The following UPK1B variants were observed in gnomAD, a reference collection of about 807,000 sequenced individuals.
The protein encoded by UPK1B is uroplakin 1B, also known as uroplakin-1b.
UPK1B carries 28 observed loss-of-function variants against 34.2 expected under a neutral mutation model. The ratio of observed to expected loss-of-function variants is 0.82; its 90% CI spans 0.61 to 1.12. UPK1B has a LOEUF of 1.12. UPK1B is among the 50% of genes most tolerant of loss of function. The pLI is 0.00. For missense variants in UPK1B, 325 were observed against 320.9 expected, an observed-to-expected ratio of 1.01 and a Z score of -0.10; for synonymous variants, 81 against 110.4, an observed-to-expected ratio of 0.73 and a Z score of 1.67.
At position 119,197,581 on chromosome 3, in the gene UPK1B, A is replaced by T. The variant is rs565384410; in HGVS notation, c.649-1476A>T. Among the ~76,000 whole-genome samples the T allele has an allele frequency of 2.2e-4, 33 of 152,338 alleles. 1 individual carries two copies. The South Asian group carries it at 6.2e-3, about 29-fold the overall frequency. ...AGTGTGTTGCAAATTATACTATTGT[A>T]AACATTAATGTTCCATTCATTCTGT... is the stretch of plus-strand genomic sequence containing the variant. On this transcript the variant is annotated intron_variant, in intron 6 of 7. Transcript: ENST00000264234.
Position 119,194,465 on chromosome 3 carries a change from C to A in UPK1B, c.648+67C>A. 2.8e-6 allele frequency: 4 copies of A among 1,417,458 alleles called. No homozygotes were observed. The South Asian group carries it at 4.1e-5, about 15-fold the overall frequency. 87.8% of individuals were successfully genotyped at this position (1,417,458 alleles called of 1,614,324 possible). A position where few individuals can be genotyped will look rare whatever the true frequency, so the allele number is the denominator to read the frequency against. ...TGCTCTTTATGAGAAAAATATTGGTCAACTGTAGGAAATAGTCTTTCAGTA... is the reference window on the plus strand; with the variant it reads ...TGCTCTTTATGAGAAAAATATTGGTAAACTGTAGGAAATAGTCTTTCAGTA... On this transcript the variant is annotated intron_variant, in intron 6 of 7. Coordinates refer to ENST00000264234, the MANE Select transcript of UPK1B (RefSeq NM_006952.4).
At chr3:119,175,540 C>T (rs1261641109) in intron 1 of UPK1B, among the ~76,000 whole-genome samples, 19 of 146,446 alleles carry the variant, frequency 1.3e-4, no homozygotes, top group Middle Eastern at 6.9e-3. Flanking sequence ...CACCCCCTCC[C>T]CCCCGCCCCA....
chr3:119,197,632 T>C (rs908714410), intron 6 of UPK1B, among the ~76,000 whole-genome samples: 1 of 152,242 alleles, frequency 6.6e-6, no homozygotes. Flanking sequence ...GTCTACTATG[T>C]GCCAAGCACT....
At chr3:119,195,715 T>C (rs1009912337) in intron 6 of UPK1B, among the ~76,000 whole-genome samples, 1 of 152,236 alleles carries the variant, frequency 6.6e-6, no homozygotes, top group African/African-American at 2.4e-5. Context: ...TGTAATTGTG[T>C]ACAAACTGTA....
chr3:119,200,338 C>T (rs1020905217), intron 7 of UPK1B, among the ~76,000 whole-genome samples: 46 of 152,318 alleles, frequency 3.0e-4, no homozygotes, highest in Admixed American at 8.5e-4. Flanking sequence ...TGGCCATGAG[C>T]ACTGCACCCA....
chr3:119,190,407 A>G (rs2078038800), intron 4 of UPK1B, 88 bp downstream of exon 4: 3 of 921,888 alleles, frequency 3.3e-6, no homozygotes, highest in Non-Finnish European at 3.5e-6. Context: ...GTGCCCAGGC[A>G]ATCCAATATG....
chr3:119,201,701 C>A (rs577153756), intron 7 of UPK1B, among the ~76,000 whole-genome samples: 1 of 152,254 alleles, frequency 6.6e-6, no homozygotes, highest in Admixed American at 6.5e-5. Flanking sequence ...AGAGGGAAAT[C>A]AACTCCTTCA....
intron 1 of UPK1B, among the ~76,000 whole-genome samples, chr3:119,182,966 C>T (rs2077995802): frequency 6.6e-6 from 1 of 152,086 alleles, no homozygotes; most frequent in East Asian, 1.9e-4. Flanking sequence ...GGGAAATATG[C>T]AAATATGAGC....
Position 119,197,965 on chromosome 3 carries a change from T to G in UPK1B, c.649-1092T>G, listed in dbSNP as rs182320926. ...AAGGAGTTGTGAGTGCAAAGGCCCTTAAGTGGGAGCAGGCCCAGCTTTTTG... is the reference window on the plus strand; with the variant it reads ...AAGGAGTTGTGAGTGCAAAGGCCCTGAAGTGGGAGCAGGCCCAGCTTTTTG... On this transcript the variant is annotated intron_variant, in intron 6 of 7. Coordinates refer to ENST00000264234, the MANE Select transcript of UPK1B (RefSeq NM_006952.4). Among the ~76,000 whole-genome samples, 7 of 152,310 alleles carry G rather than the reference T, an allele frequency of 4.6e-5. No homozygotes were observed. In the East Asian group the frequency reaches 7.7e-4, roughly 17 times the overall value.
chr3:119,174,809 G>A (rs958798013), intron 1 of UPK1B, among the ~76,000 whole-genome samples: 5 of 151,442 alleles, frequency 3.3e-5, no homozygotes, highest in African/African-American at 1.2e-4. Context: ...TCTCAGTGAG[G>A]AGAAAAATTT....
At chr3:119,200,102 G>T (rs1260956084) in intron 7 of UPK1B, among the ~76,000 whole-genome samples, 2 of 152,126 alleles carry the variant, frequency 1.3e-5, no homozygotes, top group Non-Finnish European at 2.9e-5. Context: ...ATGTTGCCTA[G>T]GTTGAATGAT....
At chr3:119,196,476 G>C (rs1553742931) in intron 6 of UPK1B, among the ~76,000 whole-genome samples, 1 of 151,886 alleles carries the variant, frequency 6.6e-6, no homozygotes, top group Non-Finnish European at 1.5e-5. Context: ...CACAAAGCAA[G>C]CACCGACGTT....
chr3:119,182,438 T>C (rs1432487147), intron 1 of UPK1B, among the ~76,000 whole-genome samples: 1 of 152,250 alleles, frequency 6.6e-6, no homozygotes, highest in African/African-American at 2.4e-5. Context: ...TAGTTTCTTA[T>C]ATGTGTAAAC....
intron 7 of UPK1B, among the ~76,000 whole-genome samples, chr3:119,203,173 TC>T (rs1215095891): frequency 6.6e-6 from 1 of 151,524 alleles, no homozygotes; most frequent in African/African-American, 2.4e-5. Flanking sequence ...AAACCCCGTC[TC>T]TACTAAAAAT....
At chr3:119,176,391 G>A (rs564294785) in intron 1 of UPK1B, among the ~76,000 whole-genome samples, 5 of 152,262 alleles carry the variant, frequency 3.3e-5, no homozygotes, top group African/African-American at 1.2e-4. Context: ...AATGTGTCTG[G>A]AAACATCAAC....
chr3:119,197,846 G>C (rs1481460367), intron 6 of UPK1B, among the ~76,000 whole-genome samples: 1 of 140,602 alleles, frequency 7.1e-6, no homozygotes, highest in Non-Finnish European at 1.6e-5. Context: ...CTCTGTCACT[G>C]TCAGGAAAGG....
chr3:119,179,391 A>ATATATATATATATATATC (rs2077976666), intron 1 of UPK1B, among the ~76,000 whole-genome samples: 1 of 93,168 alleles, frequency 1.1e-5, no homozygotes, highest in Non-Finnish European at 2.1e-5. Context: ...ATATATATAT[A>ATATATATATATATATATC]TATATATTAA....
intron 5 of UPK1B, 141 bp downstream of exon 5, chr3:119,191,245 A>C: frequency 9.3e-7 from 1 of 1,076,026 alleles, no homozygotes. Context: ...TTGTCAAGAA[A>C]CTTAGGTTAA....
At chr3:119,181,740 G>A (rs990816893) in intron 1 of UPK1B, among the ~76,000 whole-genome samples, 1 of 152,244 alleles carries the variant, frequency 6.6e-6, no homozygotes, top group African/African-American at 2.4e-5. Flanking sequence ...AATTGAGTGC[G>A]CCTACTACAT....
Sources: gnomAD v4.1 joint callset for allele counts (sites outside exome capture counted in the v4.1 genomes callset) on GRCh38, gnomAD v4.1.1 for gene constraint, MANE v1.5 for transcripts, NCBI Gene and HGNC (gene_info 2026-07-23, HGNC 2026-07-21) for gene names.